PARD3B: variants seen among roughly 807,000 people sequenced by gnomAD.
PARD3B encodes the protein partitioning defective 3 homolog B.
Under a neutral mutation model 130.2 loss-of-function variants are expected in PARD3B, and 103 were observed. The ratio of observed to expected loss-of-function variants is 0.79; its 90% confidence interval spans 0.67 to 0.93. PARD3B has a LOEUF of 0.93. Ranked by LOEUF, PARD3B falls within the 40% of genes least tolerant of loss-of-function variation. The pLI, the probability that PARD3B is intolerant of heterozygous loss-of-function variation, is 0.00. For synonymous variants in PARD3B, 583 were observed against 553.2 expected (o/e 1.05, Z -0.76); for missense variants, 1,609 against 1,499.2 (o/e 1.07, Z -1.21).
rs1696038814 is a variant in PARD3B at position 205,015,179 on chromosome 2, T to A, written c.395-32402T>A. 6.6e-6 allele frequency among the ~76,000 whole-genome samples: 1 copy of A among 152,216 alleles called. No homozygotes were observed. Among genetic ancestry groups the A allele is most frequent in the Admixed American group, 6.5e-5 (1 of 15,278 alleles). On this transcript the variant is annotated intron_variant, in intron 3 of 22. Transcript: ENST00000406610. The surrounding 1 kb of genome is among the most constrained non-coding windows in gnomAD (Gnocchi z 4.5). ...ATTATGTATACAATATGTATTTTTA[T>A]GTATTCTTACAATAAAGTAAGCTAG...
intron 18 of PARD3B, among the ~76,000 whole-genome samples, chr2:205,361,513 C>A (rs1320207849): frequency 6.6e-6 from 1 of 152,282 alleles, no homozygotes; most frequent in South Asian, 2.1e-4. Flanking sequence ...ATTTCTAACA[C>A]ATTCTCTATT....
intron 1 of PARD3B, among the ~76,000 whole-genome samples, chr2:204,659,847 A>G (rs1035961427): frequency 2.0e-5 from 3 of 152,212 alleles, no homozygotes; most frequent in African/African-American, 4.8e-5. Context: ...GCTATTTACA[A>G]AAATTATGAT....
intron 3 of PARD3B, among the ~76,000 whole-genome samples, chr2:205,036,454 A>T (rs988947916): frequency 4.7e-5 from 7 of 147,984 alleles, no homozygotes; most frequent in South Asian, 2.1e-4. Flanking sequence ...TATATATATA[A>T]AAATATATGT....
chr2:204,958,487 A>G (rs1690465316), intron 2 of PARD3B, among the ~76,000 whole-genome samples: 1 of 152,188 alleles, frequency 6.6e-6, no homozygotes, highest in African/African-American at 2.4e-5. Flanking sequence ...ACAAGAATAA[A>G]GGAAAAACAG....
intron 3 of PARD3B, among the ~76,000 whole-genome samples, chr2:205,020,399 G>C (rs1696504985): frequency 6.6e-6 from 1 of 152,040 alleles, no homozygotes; most frequent in Non-Finnish European, 1.5e-5. Flanking sequence ...TATACAATTT[G>C]ATATTGCACA....
At chr2:205,054,167 A>G (rs1470438650) in intron 4 of PARD3B, among the ~76,000 whole-genome samples, 3 of 151,864 alleles carry the variant, frequency 2.0e-5, no homozygotes, top group East Asian at 3.9e-4. Flanking sequence ...CCTGAAGCCC[A>G]GTTTACTCTG....
At chr2:205,032,122 C>T (rs1322594571) in intron 3 of PARD3B, among the ~76,000 whole-genome samples, 1 of 152,082 alleles carries the variant, frequency 6.6e-6, no homozygotes, top group African/African-American at 2.4e-5. Flanking sequence ...TACCTGTGGC[C>T]TTTGGATTTT....
At chr2:204,771,380 G>A (rs1420386750) in intron 2 of PARD3B, among the ~76,000 whole-genome samples, 1 of 152,072 alleles carries the variant, frequency 6.6e-6, no homozygotes, top group Non-Finnish European at 1.5e-5. Context: ...TGCTTTCAGG[G>A]AGCCTTGGTC....
At chr2:205,057,033 T>C (rs144409037) in intron 4 of PARD3B, among the ~76,000 whole-genome samples, 4 of 151,846 alleles carry the variant, frequency 2.6e-5, no homozygotes, top group African/African-American at 9.6e-5. Context: ...CAAAAGTTTC[T>C]AAATGTCTTG....
intron 2 of PARD3B, among the ~76,000 whole-genome samples, chr2:204,788,187 T>C (rs2042076426): frequency 6.6e-6 from 1 of 152,220 alleles, no homozygotes; most frequent in African/African-American, 2.4e-5. Flanking sequence ...ATGGACTCTG[T>C]TGGAAAGGCA....
Position 205,525,700 on chromosome 2 carries a change from G to C in PARD3B, c.3180+25669G>C, listed in dbSNP as rs538654670. Among the ~76,000 whole-genome samples the C allele has an allele frequency of 6.6e-6, 1 of 152,054 alleles. No homozygotes were observed. The highest frequency in any genetic ancestry group is 6.6e-5 in the Admixed American group (1 of 15,264). On this transcript the variant is annotated intron_variant, in intron 21 of 22. Transcript: ENST00000406610. The surrounding 1 kb of genome is among the most constrained non-coding windows in gnomAD (Gnocchi z 4.2). The stretch of plus-strand genomic sequence containing the variant: ...AGTACACATGAGACCCAGCATTATC[G>C]AAGGCTTATCCTTTCTCACACTGAA...
chr2:204,858,870 A>T (rs984723267), intron 2 of PARD3B, among the ~76,000 whole-genome samples: 2 of 150,724 alleles, frequency 1.3e-5, no homozygotes, highest in Non-Finnish European at 3.0e-5. Context: ...CTCATTTATG[A>T]TTTCAGTTAG....
chr2:204,625,855 G>A (rs532319899), intron 1 of PARD3B, among the ~76,000 whole-genome samples: 1 of 152,282 alleles, frequency 6.6e-6, no homozygotes, highest in African/African-American at 2.4e-5. Context: ...ATGTATCACA[G>A]CTGTATTACC....
At chr2:204,563,395 G>T (rs189627675) in intron 1 of PARD3B, among the ~76,000 whole-genome samples, 11 of 152,024 alleles carry the variant, frequency 7.2e-5, no homozygotes, top group South Asian at 2.1e-4. Context: ...AGGTATGGGT[G>T]GGGGGGACTG....
At chr2:204,914,708 G>T (rs2047376914) in intron 2 of PARD3B, among the ~76,000 whole-genome samples, 1 of 152,188 alleles carries the variant, frequency 6.6e-6, no homozygotes, top group African/African-American at 2.4e-5. Context: ...GAAGAGGTTA[G>T]GAGCAGCTGT....
intron 6 of PARD3B, among the ~76,000 whole-genome samples, chr2:205,113,980 G>A (rs1037280320): frequency 6.6e-6 from 1 of 152,034 alleles, no homozygotes; most frequent in African/African-American, 2.4e-5. Context: ...TATTCTTCAA[G>A]TATGTAGCAT....
At chr2:205,052,426 T>TATATATATATATAC (rs2125425984) in intron 4 of PARD3B, among the ~76,000 whole-genome samples, 1 of 15,952 alleles carries the variant, frequency 6.3e-5, no homozygotes, top group African/African-American at 2.0e-4. Context: ...TATGTATATA[T>TATATATATATATAC]ATATATATAT....
At chr2:205,523,209 A>ATGTGTGTGTG (rs36030743) in intron 21 of PARD3B, among the ~76,000 whole-genome samples, 50 of 141,418 alleles carry the variant, frequency 3.5e-4, no homozygotes, top group African/African-American at 1.2e-3. Flanking sequence ...CGTGTACTAT[A>ATGTGTGTGTG]TGTGTGTGTG....
intron 18 of PARD3B, among the ~76,000 whole-genome samples, chr2:205,356,963 A>G (rs980453140): frequency 2.2e-4 from 34 of 151,884 alleles, no homozygotes; most frequent in African/African-American, 8.2e-4. Context: ...ACTTTTGGGG[A>G]AAAAGTTTTT....
Sources: gnomAD v4.1 joint callset for allele counts (sites outside exome capture counted in the v4.1 genomes callset) on GRCh38, gnomAD v4.1.1 for gene constraint, Gnocchi (gnomAD v3.1) non-coding constraint, MANE v1.5 for transcripts, NCBI Gene and HGNC (gene_info 2026-07-23, HGNC 2026-07-21) for gene names.